Variants in GDPD4 observed in about 807,000 individuals in gnomAD.
GDPD4 encodes the protein glycerophosphodiester phosphodiesterase 6.
In GDPD4, 60 loss-of-function variants were observed where a neutral mutation model predicts 67.8. That is an observed-to-expected ratio of 0.88 (90% CI 0.72 to 1.10). The LOEUF (loss-of-function observed/expected upper bound fraction) is 1.10. GDPD4 is among the 50% of genes least tolerant of loss of function. The pLI is 0.00. For missense variants in GDPD4, 623 were observed against 613.9 expected (o/e 1.01, Z -0.16); for synonymous variants, 212 against 210.9 (o/e 1.00, Z -0.04).
intron 3 of GDPD4, among the ~76,000 whole-genome samples, chr11:77,280,260 C>CA (rs1200207834): frequency 2.0e-5 from 3 of 150,838 alleles, no homozygotes; most frequent in Non-Finnish European, 3.0e-5. Flanking sequence ...AACTTGGACC[C>CA]AAAAAAACAT....
intron 1 of GDPD4, among the ~76,000 whole-genome samples, chr11:77,289,655 T>C (rs1227759154): frequency 2.0e-5 from 3 of 150,798 alleles, no homozygotes; most frequent in Non-Finnish European, 4.4e-5. Context: ...TGTTTGAACC[T>C]GGAAGGCGGA....
chr11:77,217,891 A>G (rs1958153979), intron 16 of GDPD4, among the ~76,000 whole-genome samples: 1 of 152,222 alleles, frequency 6.6e-6, no homozygotes, highest in South Asian at 2.1e-4. Flanking sequence ...TGCGTTTACA[A>G]TATACAGAGA....
chr11:77,299,173 C>T (rs183870565), intron 1 of GDPD4, among the ~76,000 whole-genome samples: 1 of 152,252 alleles, frequency 6.6e-6, no homozygotes, highest in Non-Finnish European at 1.5e-5. Flanking sequence ...CTAGGCAACA[C>T]CAACCACCCC....
intron 11 of GDPD4, among the ~76,000 whole-genome samples, chr11:77,252,946 C>T (rs1406143776): frequency 6.6e-6 from 1 of 152,212 alleles, no homozygotes; most frequent in Non-Finnish European, 1.5e-5. Context: ...GGGGATCCCT[C>T]TTGGTGTCAG....
Position 77,279,336 on chromosome 11 carries a change from C to G in GDPD4, c.117G>C (p.Arg39Ser), listed in dbSNP as rs776257320. The G allele has an allele frequency of 1.2e-5, 19 of 1,611,892 alleles. No individual in the cohort carries two copies. The highest frequency in any genetic ancestry group is 3.3e-4 in the Middle Eastern group (2 of 6,078). The change falls in exon 4 of 17, where the codon AGG (arginine) becomes AGC (serine). Residue 39 changes from arginine to serine, a missense_variant. Transcript: ENST00000315938. ...FWSIFILSLA[R>S]ILTAYSSLLL... is the part of the protein sequence containing the mutation. The stretch of plus-strand genomic sequence containing the variant: ...GCAATGAAGAGTAGGCAGTCAGGAT[C>G]CTAGCTAAACTCAGAATAAAAATAG...
chr11:77,260,003 A>G (rs1959080478), intron 10 of GDPD4, among the ~76,000 whole-genome samples: 2 of 151,890 alleles, frequency 1.3e-5, no homozygotes. Context: ...TTCTTTAGAG[A>G]CTCCAGAAGA....
chr11:77,268,616 C>G, intron 9 of GDPD4, 77 bp from the exon 10 acceptor site: 1 of 1,165,268 alleles, frequency 8.6e-7, no homozygotes, highest in Non-Finnish European at 1.3e-6. Context: ...AGGGGTAGAG[C>G]CCAGTAGGAT....
intron 1 of GDPD4, among the ~76,000 whole-genome samples, chr11:77,296,167 C>T (rs549176798): frequency 4.9e-4 from 71 of 144,588 alleles, no homozygotes; most frequent in African/African-American, 1.6e-3. Context: ...AGGAGAATGG[C>T]GTGAACCTGG....
chr11:77,249,645 A>G (rs1958850960), intron 11 of GDPD4, among the ~76,000 whole-genome samples: 1 of 152,220 alleles, frequency 6.6e-6, no homozygotes, highest in South Asian at 2.1e-4. Context: ...AATGGAAACC[A>G]CTAAGGAAAC....
chr11:77,231,613 T>G (rs1033152948), intron 14 of GDPD4, among the ~76,000 whole-genome samples: 5 of 152,244 alleles, frequency 3.3e-5, no homozygotes, highest in Admixed American at 6.5e-5. Context: ...ATGGATTTAT[T>G]CATTTAAATA....
chr11:77,244,890 TAAG>T, intron 12 of GDPD4, among the ~76,000 whole-genome samples: 1 of 152,180 alleles, frequency 6.6e-6, no homozygotes, highest in Non-Finnish European at 1.5e-5. Context: ...TCTGCTCAAA[TAAG>T]AACCAGCTCT....
At chr11:77,220,570 A>G (rs992886286) in intron 16 of GDPD4, among the ~76,000 whole-genome samples, 3 of 152,152 alleles carry the variant, frequency 2.0e-5, no homozygotes, top group African/African-American at 4.8e-5. Flanking sequence ...TGATCTTGGT[A>G]GATTAGCTTT....
chr11:77,270,143 C>T (rs1959202089), intron 7 of GDPD4, among the ~76,000 whole-genome samples, 183 bp from the exon 8 acceptor site: 1 of 152,156 alleles, frequency 6.6e-6, no homozygotes, highest in Non-Finnish European at 1.5e-5. Flanking sequence ...AAGCAAATAC[C>T]TCTTACTTAA....
chr11:77,268,853 C>G, intron 9 of GDPD4, 71 bp downstream of exon 9: 3 of 1,471,726 alleles, frequency 2.0e-6, no homozygotes, highest in Non-Finnish European at 2.8e-6. Context: ...TTCCATGGTT[C>G]TCTTTTCTTC....
At chr11:77,296,783 G>C (rs1052578635) in intron 1 of GDPD4, among the ~76,000 whole-genome samples, 15 of 151,532 alleles carry the variant, frequency 9.9e-5, no homozygotes, top group African/African-American at 3.6e-4. Flanking sequence ...TTTTTGGCCG[G>C]GTGCGGTGGC....
intron 8 of GDPD4, among the ~76,000 whole-genome samples, chr11:77,269,651 A>G (rs1959196609): frequency 6.6e-6 from 1 of 152,152 alleles, no homozygotes; most frequent in African/African-American, 2.4e-5. Context: ...GTGTTGACTC[A>G]TAATAGTTAC....
At chr11:77,235,199 C>T (rs1444907031) in intron 13 of GDPD4, among the ~76,000 whole-genome samples, 1 of 151,764 alleles carries the variant, frequency 6.6e-6, no homozygotes, top group Non-Finnish European at 1.5e-5. Context: ...CCTTTACCCA[C>T]TTTCTTAAAC....
intron 11 of GDPD4, 116 bp from the exon 12 acceptor site, chr11:77,245,618 T>C: frequency 1.5e-6 from 1 of 650,482 alleles, no homozygotes; most frequent in Non-Finnish European, 2.7e-6. Context: ...TCAGGCCCTC[T>C]GAAGTACTAA....
intron 1 of GDPD4, among the ~76,000 whole-genome samples, chr11:77,289,895 C>A (rs1163565246): frequency 6.6e-6 from 1 of 151,988 alleles, no homozygotes; most frequent in South Asian, 2.1e-4. Context: ...AGAAACCCTA[C>A]ATGACATTTT....
Sources: gnomAD v4.1 joint callset for allele counts (sites outside exome capture counted in the v4.1 genomes callset) on GRCh38, gnomAD v4.1.1 for gene constraint, MANE v1.5 for transcripts, NCBI Gene and HGNC (gene_info 2026-07-23, HGNC 2026-07-21) for gene names.